COL15A1: variants seen among roughly 807,000 people sequenced by gnomAD.
The protein encoded by COL15A1 is collagen type XV alpha 1 chain.
Under a neutral mutation model 165.9 loss-of-function variants are expected in COL15A1, and 111 were observed. The observed-to-expected ratio is 0.67, with a 90% CI of 0.57 to 0.78. The LOEUF is 0.78. COL15A1 is among the 30% of genes least tolerant of loss of function. The probability of loss-of-function intolerance (pLI) is 0.00; values close to 1 mark genes in which losing one functional copy is unlikely to be tolerated. For missense variants in COL15A1, 1,745 were observed against 1,789.7 expected (o/e 0.98, Z 0.45); for synonymous variants, 659 against 674.8 (o/e 0.98, Z 0.36).
chr9:98,948,202 G>A (rs960542983), intron 2 of COL15A1, among the ~76,000 whole-genome samples: 2 of 152,130 alleles, frequency 1.3e-5, no homozygotes, highest in Non-Finnish European at 2.9e-5. Flanking sequence ...GAAAGAAAGG[G>A]CCACAGACAA....
At chr9:98,974,914 G>A (rs1317613922) in intron 2 of COL15A1, among the ~76,000 whole-genome samples, 1 of 152,246 alleles carries the variant, frequency 6.6e-6, no homozygotes, top group East Asian at 1.9e-4. Context: ...GGAGGGAAAG[G>A]AGGCGTTATG....
intron 9 of COL15A1, among the ~76,000 whole-genome samples, chr9:99,015,062 G>A (rs781429073): frequency 2.0e-5 from 3 of 152,148 alleles, no homozygotes; most frequent in Non-Finnish European, 4.4e-5. Context: ...TCTTTTTAAG[G>A]GCTAGAATGG....
intron 28 of COL15A1, among the ~76,000 whole-genome samples, chr9:99,048,248 G>A (rs1839526752): frequency 6.6e-6 from 1 of 152,156 alleles, no homozygotes; most frequent in Non-Finnish European, 1.5e-5. Context: ...GGGGAGAAAG[G>A]GATCTGGTCA....
intron 2 of COL15A1, among the ~76,000 whole-genome samples, chr9:98,963,453 A>G (rs10120774): frequency 0.032 from 4,835 of 152,268 alleles, 117 homozygotes; most frequent in African/African-American, 0.07. Context: ...GTGACTCCCA[A>G]CAGGTTCCTT....
In COL15A1 at chr9:99,040,507, T is replaced by G; in HGVS notation, c.2476-14T>G. ...GCTCCTAATCCAGCGTGCTCTATCT[T>G]TGGTGTGTCACAGGGGCCGGACGGG... On this transcript the variant is annotated splice_polypyrimidine_tract_variant and intron_variant, in intron 22 of 41. Transcript: ENST00000375001. 6 of 1,614,116 alleles carry G rather than the reference T, an allele frequency of 3.7e-6. No homozygotes were observed. The highest frequency in any genetic ancestry group is 5.1e-6 in the Non-Finnish European group (6 of 1,180,008).
chr9:98,994,347 C>T (rs993548085), intron 5 of COL15A1, among the ~76,000 whole-genome samples: 1 of 152,196 alleles, frequency 6.6e-6, no homozygotes, highest in Non-Finnish European at 1.5e-5. Flanking sequence ...CGAGCACTTT[C>T]TCCCCTCCAT....
intron 24 of COL15A1, among the ~76,000 whole-genome samples, chr9:99,044,350 G>A (rs113872084): frequency 2.0e-5 from 3 of 152,246 alleles, no homozygotes; most frequent in African/African-American, 7.2e-5. Flanking sequence ...ATGGCTGAGA[G>A]AACATTCATT....
chr9:99,051,592 G>A (rs1004797382), intron 30 of COL15A1, among the ~76,000 whole-genome samples: 9 of 152,182 alleles, frequency 5.9e-5, no homozygotes, highest in African/African-American at 2.2e-4. Context: ...ACAGCTTGGA[G>A]CTGCAACTTT....
intron 5 of COL15A1, among the ~76,000 whole-genome samples, chr9:98,991,918 G>A (rs62561181): frequency 0.06 from 9,154 of 152,038 alleles, 380 homozygotes; most frequent in Non-Finnish European, 0.089. Context: ...CACTAGATTA[G>A]CTAGACACAG....
intron 4 of COL15A1, among the ~76,000 whole-genome samples, chr9:98,987,935 G>A (rs1838344217): frequency 6.7e-6 from 1 of 149,236 alleles, no homozygotes; most frequent in South Asian, 2.1e-4. Context: ...AGAGCTGAGT[G>A]TGATGGGAAA....
chr9:99,041,968 G>GA lies in COL15A1; in HGVS notation c.2512-71dup. 11 of 991,946 alleles carry GA rather than the reference G, an allele frequency of 1.1e-5. No individual in the cohort carries two copies. The South Asian group carries it at 1.6e-4, about 14-fold the overall frequency. 61.4% of individuals were successfully genotyped at this position (991,946 alleles called of 1,614,324 possible). A position where few individuals can be genotyped will look rare whatever the true frequency, so the allele number is the denominator to read the frequency against. Reference sequence around the variant, plus strand: ...ATGGCAGTGTGTATTCTACTGTTGAGAAAAAATATATTTCTGATTGGTTTA... The same window carrying GA: ...ATGGCAGTGTGTATTCTACTGTTGAGAAAAAAATATATTTCTGATTGGTTTA... On this transcript the variant is annotated intron_variant, in intron 23 of 41. Coordinates refer to ENST00000375001, the MANE Select transcript of COL15A1 (RefSeq NM_001855.5).
At chr9:99,066,446 A>T (rs1193795416) in intron 39 of COL15A1, among the ~76,000 whole-genome samples, 1 of 152,130 alleles carries the variant, frequency 6.6e-6, no homozygotes, top group Non-Finnish European at 1.5e-5. Context: ...AAAGGGCTGC[A>T]GGCAGATAGC....
chr9:99,008,887 G>C (rs973522856), intron 9 of COL15A1, among the ~76,000 whole-genome samples: 1 of 152,228 alleles, frequency 6.6e-6, no homozygotes, highest in Non-Finnish European at 1.5e-5. Context: ...TGGGATTACA[G>C]GCATGAGCCA....
In COL15A1 at chr9:98,996,932, A is replaced by G; in HGVS notation, c.805-2A>G. The G allele has an allele frequency of 6.2e-7, 1 of 1,613,230 alleles. No individual in the cohort carries two copies. Among genetic ancestry groups the G allele is most frequent in the Non-Finnish European group, 8.5e-7 (1 of 1,179,466 alleles). ...TTTGCATCTCATTTTTCCTCCCTTC[A>G]GCCCAAAGAAGCAAAAGTTGAACCC... On this transcript the variant is annotated splice_acceptor_variant, in intron 5 of 41. Coordinates refer to ENST00000375001, the MANE Select transcript of COL15A1 (RefSeq NM_001855.5). LOFTEE classifies it high-confidence loss of function.
At chr9:99,049,660 T>A in intron 28 of COL15A1, 30 bp from the exon 29 acceptor site, 1 of 1,611,970 alleles carries the variant, frequency 6.2e-7, no homozygotes, top group Non-Finnish European at 8.5e-7. Flanking sequence ...CAACCTGAAC[T>A]AATGGAATGG....
At chr9:99,058,642 A>G (rs928588717) in intron 35 of COL15A1, among the ~76,000 whole-genome samples, 1 of 152,236 alleles carries the variant, frequency 6.6e-6, no homozygotes, top group Non-Finnish European at 1.5e-5. Flanking sequence ...TTTCATGGCC[A>G]TTATCCCATG....
chr9:98,944,566 C>T (rs12554477), intron 2 of COL15A1, among the ~76,000 whole-genome samples: 1 of 152,204 alleles, frequency 6.6e-6, no homozygotes. Flanking sequence ...CGCCAACAGC[C>T]TCAGCGCACC....
intron 2 of COL15A1, among the ~76,000 whole-genome samples, chr9:98,981,977 A>G (rs61443957): frequency 6.6e-6 from 1 of 151,918 alleles, no homozygotes; most frequent in Non-Finnish European, 1.5e-5. Flanking sequence ...TAATTTTTAA[A>G]TTTTTTGTAG....
At chr9:99,035,237 A>G in intron 18 of COL15A1, 83 bp downstream of exon 18, 1 of 1,583,966 alleles carries the variant, frequency 6.3e-7, no homozygotes, top group Admixed American at 1.7e-5. Context: ...CCCTGGTCTC[A>G]GGGCAGAGGC....
Sources: allele counts gnomAD v4.1 joint callset (sites outside exome capture counted in the v4.1 genomes callset), GRCh38; gene constraint gnomAD v4.1.1; transcripts MANE v1.5; gene names NCBI Gene and HGNC (gene_info 2026-07-23, HGNC 2026-07-21).